Variants in TMEM196 observed in about 807,000 individuals in gnomAD.
The protein encoded by TMEM196 is transmembrane protein 196.
In TMEM196, 17 loss-of-function variants were observed where a neutral mutation model predicts 20.0. That is an observed-to-expected ratio of 0.85 (90% CI 0.58 to 1.27). The LOEUF (loss-of-function observed/expected upper bound fraction) is 1.27, where lower values mean the gene tolerates loss of function less well. TMEM196 is among the 50% of genes most tolerant of loss of function. The probability of loss-of-function intolerance (pLI) is 0.00; values close to 1 mark genes in which losing one functional copy is unlikely to be tolerated. For synonymous variants in TMEM196, 113 were observed against 88.9 expected (o/e 1.27, Z -1.52); for missense variants, 267 against 223.0 (o/e 1.20, Z -1.26).
At chr7:19,760,487 A>G (rs1231930319) in intron 1 of TMEM196, among the ~76,000 whole-genome samples, 1 of 149,484 alleles carries the variant, frequency 6.7e-6, no homozygotes, top group Non-Finnish European at 1.5e-5. Context: ...CAGTCTCCCA[A>G]GTAGCCGGGA....
intron 1 of TMEM196, among the ~76,000 whole-genome samples, chr7:19,771,333 C>T (rs1005337394): frequency 4.6e-5 from 7 of 152,216 alleles, no homozygotes; most frequent in Non-Finnish European, 8.8e-5. Context: ...TAGGATTGAA[C>T]ACTATTTTTC....
intron 1 of TMEM196, among the ~76,000 whole-genome samples, chr7:19,730,199 T>C: frequency 6.7e-6 from 1 of 149,718 alleles, no homozygotes; most frequent in Non-Finnish European, 1.5e-5. Flanking sequence ...AGGCTTGCAG[T>C]GAGCCAAGAT....
chr7:19,746,972 C>T (rs1784777110), intron 1 of TMEM196, among the ~76,000 whole-genome samples: 1 of 152,090 alleles, frequency 6.6e-6, no homozygotes, highest in South Asian at 2.1e-4. Flanking sequence ...ATAGAAAATC[C>T]CGGCCGGGCG....
At chr7:19,739,145 A>G (rs1018808516) in intron 1 of TMEM196, among the ~76,000 whole-genome samples, 1 of 152,290 alleles carries the variant, frequency 6.6e-6, no homozygotes, top group East Asian at 1.9e-4. Flanking sequence ...GGCAATAGAA[A>G]GAAATTAAAA....
At chr7:19,753,454 A>C (rs1434193296) in intron 1 of TMEM196, among the ~76,000 whole-genome samples, 1 of 152,088 alleles carries the variant, frequency 6.6e-6, no homozygotes, top group East Asian at 1.9e-4. Context: ...AGAAAGTCCG[A>C]CTTAATTGCC....
At chr7:19,753,440 A>G (rs1449151729) in intron 1 of TMEM196, among the ~76,000 whole-genome samples, 1 of 152,156 alleles carries the variant, frequency 6.6e-6, no homozygotes, top group African/African-American at 2.4e-5. Context: ...TCTTTAACCC[A>G]GGCAGAAAGT....
Position 19,772,802 on chromosome 7 carries a change from A to C in TMEM196, c.-106T>G. 8.7e-7 allele frequency: 1 copy of C among 1,143,296 alleles called. No individual in the cohort carries two copies. The highest frequency in any genetic ancestry group is 3.1e-5 in the South Asian group (1 of 32,590). The allele number at this position is 1,143,296 out of a possible 1,614,324, so 70.8% of individuals were successfully genotyped here. On this transcript the variant is annotated 5_prime_UTR_variant, in exon 1 of 5. Transcript: ENST00000405844. ...CTTCCACCCCCTACCAGATCCCAAA[A>C]CTTTTCTTTCTTCAAGAGCGAGGCA... is the stretch of plus-strand genomic sequence containing the variant.
At chr7:19,764,321 C>T (rs714239) in intron 1 of TMEM196, among the ~76,000 whole-genome samples, 38,793 of 152,120 alleles carry the variant, frequency 0.26, 6,501 homozygotes, top group East Asian at 0.6. Flanking sequence ...CCAAGCCTAG[C>T]AGGGTATCAA....
chr7:19,768,661 T>G (rs1785732770), intron 1 of TMEM196, among the ~76,000 whole-genome samples: 1 of 152,182 alleles, frequency 6.6e-6, no homozygotes, highest in Non-Finnish European at 1.5e-5. Context: ...ATTTTGTGCT[T>G]TCATTGTAGA....
chr7:19,753,453 G>A (rs772434179), intron 1 of TMEM196, among the ~76,000 whole-genome samples: 3 of 152,040 alleles, frequency 2.0e-5, no homozygotes, highest in East Asian at 1.9e-4. Context: ...CAGAAAGTCC[G>A]ACTTAATTGC....
chr7:19,729,565 T>C (rs1244454906), intron 1 of TMEM196, 127 bp from the exon 2 acceptor site: 13 of 815,882 alleles, frequency 1.6e-5, no homozygotes, highest in Non-Finnish European at 2.4e-5. Flanking sequence ...CTTCAAAACC[T>C]GGAGAGGATA....
chr7:19,753,567 C>T (rs1472702442), intron 1 of TMEM196, among the ~76,000 whole-genome samples: 1 of 152,150 alleles, frequency 6.6e-6, no homozygotes, highest in Non-Finnish European at 1.5e-5. Flanking sequence ...GTGTTCCCTT[C>T]ATTCTGACTC....
intron 4 of TMEM196, among the ~76,000 whole-genome samples, chr7:19,723,696 A>G (rs17141851): frequency 0.16 from 24,382 of 152,148 alleles, 2,588 homozygotes; most frequent in East Asian, 0.59. Flanking sequence ...CAAATGGGCC[A>G]TAGTATCCAT....
chr7:19,766,455 C>T (rs1168145698), intron 1 of TMEM196, among the ~76,000 whole-genome samples: 6 of 151,798 alleles, frequency 4.0e-5, no homozygotes, highest in African/African-American at 1.4e-4. Context: ...TAGACCAATG[C>T]TGGACCTAGT....
At chr7:19,733,727 C>T (rs953534608) in intron 1 of TMEM196, among the ~76,000 whole-genome samples, 6 of 151,386 alleles carry the variant, frequency 4.0e-5, no homozygotes, top group African/African-American at 9.7e-5. Context: ...TATGCCTATA[C>T]GAAGTAGAGG....
chr7:19,763,752 G>C (rs1012112010), intron 1 of TMEM196, among the ~76,000 whole-genome samples: 1 of 152,062 alleles, frequency 6.6e-6, no homozygotes, highest in African/African-American at 2.4e-5. Context: ...ACAAAAATAT[G>C]CATCCCATTG....
At chr7:19,763,508 G>A (rs996513370) in intron 1 of TMEM196, among the ~76,000 whole-genome samples, 2 of 152,024 alleles carry the variant, frequency 1.3e-5, no homozygotes, top group Admixed American at 1.3e-4. Context: ...TTATTCCTGG[G>A]ACTCTGGAAC....
intron 1 of TMEM196, among the ~76,000 whole-genome samples, chr7:19,768,142 T>C (rs890378468): frequency 3.3e-5 from 5 of 151,984 alleles, no homozygotes; most frequent in Non-Finnish European, 7.4e-5. Context: ...TCAAATATGC[T>C]CCAGAAAAAT....
At position 19,721,936 on chromosome 7, in the gene TMEM196, A is replaced by T; in HGVS notation, c.*192T>A. On this transcript the variant is annotated 3_prime_UTR_variant, in exon 5 of 5. Transcript: ENST00000405844. ...AGGGTGGAGAAACCAGTGAGGCAATATATTTTTTAGGAAGAATAATTTTAG... is the reference window on the plus strand; with the variant it reads ...AGGGTGGAGAAACCAGTGAGGCAATTTATTTTTTAGGAAGAATAATTTTAG... The T allele has an allele frequency of 2.7e-6, 2 of 729,568 alleles. No homozygotes were observed. Among genetic ancestry groups the T allele is most frequent in the South Asian group, 3.7e-5 (2 of 54,262 alleles). 45.2% of individuals were successfully genotyped at this position (729,568 alleles called of 1,614,324 possible). A position where few individuals can be genotyped will look rare whatever the true frequency, so the allele number is the denominator to read the frequency against.
Sources: gnomAD v4.1 joint callset for allele counts (sites outside exome capture counted in the v4.1 genomes callset) on GRCh38, gnomAD v4.1.1 for gene constraint, MANE v1.5 for transcripts, NCBI Gene and HGNC (gene_info 2026-07-23, HGNC 2026-07-21) for gene names.